The following SLC16A10 variants were observed in gnomAD, a reference collection of about 807,000 sequenced individuals.
The protein encoded by SLC16A10 is solute carrier family 16 member 10.
In SLC16A10, 27 loss-of-function variants were observed where a neutral mutation model predicts 40.0. That is an observed-to-expected ratio of 0.67 (90% CI 0.50 to 0.93). SLC16A10 has a LOEUF of 0.93. Among genes scored for constraint, SLC16A10 ranks in the 40% least tolerant of loss-of-function variants. The pLI, the probability that SLC16A10 is intolerant of heterozygous loss-of-function variation, is 0.00. For missense variants in SLC16A10, 529 were observed against 658.2 expected (o/e 0.80, Z 2.15); for synonymous variants, 213 against 249.8 (o/e 0.85, Z 1.39).
At chr6:111,090,540 G>A (rs1291921580) in intron 1 of SLC16A10, among the ~76,000 whole-genome samples, 3 of 152,130 alleles carry the variant, frequency 2.0e-5, no homozygotes, top group Non-Finnish European at 4.4e-5. Context: ...ACTTAGTGCT[G>A]AAAAAATGGT....
Position 111,222,429 on chromosome 6 carries a change from G to T in SLC16A10, c.*194G>T. Reference sequence around the variant, plus strand: ...ATATCTCTGATGTTTCCATGAGTCTGAGGGCAGAGACTCTGGTATATGAAA... The same window carrying T: ...ATATCTCTGATGTTTCCATGAGTCTTAGGGCAGAGACTCTGGTATATGAAA... On this transcript the variant is annotated 3_prime_UTR_variant, in exon 6 of 6. Transcript: ENST00000368851. 1 of 582,516 alleles carries T rather than the reference G, an allele frequency of 1.7e-6. No individual in the cohort carries two copies. Among genetic ancestry groups the T allele is most frequent in the Non-Finnish European group, 2.7e-6 (1 of 376,432 alleles). 36.1% of individuals were successfully genotyped at this position (582,516 alleles called of 1,614,324 possible).
At chr6:111,095,192 T>G (rs1489709470) in intron 1 of SLC16A10, among the ~76,000 whole-genome samples, 1 of 152,232 alleles carries the variant, frequency 6.6e-6, no homozygotes, top group Non-Finnish European at 1.5e-5. Flanking sequence ...CTAGCCAACC[T>G]GTAGGTGTTA....
chr6:111,116,517 C>CA (rs1771490274), intron 1 of SLC16A10, among the ~76,000 whole-genome samples: 1 of 151,716 alleles, frequency 6.6e-6, no homozygotes, highest in Non-Finnish European at 1.5e-5. Flanking sequence ...TGCACCTGGG[C>CA]AAAAAAAGTA....
intron 4 of SLC16A10, among the ~76,000 whole-genome samples, chr6:111,214,456 A>G (rs940382534): frequency 1.3e-5 from 2 of 152,212 alleles, no homozygotes; most frequent in African/African-American, 4.8e-5. Flanking sequence ...TGAACCTGCT[A>G]TATGTATAGT....
intron 1 of SLC16A10, among the ~76,000 whole-genome samples, chr6:111,118,901 G>A (rs1419265211): frequency 1.3e-5 from 2 of 152,100 alleles, no homozygotes; most frequent in African/African-American, 4.8e-5. Flanking sequence ...TCCTCAGGAA[G>A]ACAAAGCCAA....
intron 1 of SLC16A10, among the ~76,000 whole-genome samples, chr6:111,125,782 TA>T (rs1001388217): frequency 2.6e-5 from 4 of 152,198 alleles, no homozygotes; most frequent in Non-Finnish European, 4.4e-5. Flanking sequence ...GTAACACCCT[TA>T]ATTCTAACTT....
intron 5 of SLC16A10, among the ~76,000 whole-genome samples, chr6:111,219,366 A>T (rs1393279747): frequency 6.6e-6 from 1 of 152,028 alleles, no homozygotes; most frequent in Non-Finnish European, 1.5e-5. Context: ...TACAAAAAAT[A>T]AAAAATAAAA....
chr6:111,193,425 T>C (rs1773029150), intron 3 of SLC16A10: 1 of 570,618 alleles, frequency 1.8e-6, no homozygotes, highest in South Asian at 7.7e-5. Flanking sequence ...ATCTGACCAC[T>C]TGTTTACTCA....
At chr6:111,152,741 G>C (rs532044988) in intron 1 of SLC16A10, among the ~76,000 whole-genome samples, 1 of 152,122 alleles carries the variant, frequency 6.6e-6, no homozygotes, top group Admixed American at 6.5e-5. Context: ...TGGACCGAGG[G>C]GATAGATTTG....
intron 1 of SLC16A10, among the ~76,000 whole-genome samples, chr6:111,119,948 A>C (rs1465373413): frequency 4.6e-5 from 7 of 152,246 alleles, no homozygotes; most frequent in Non-Finnish European, 1.0e-4. Context: ...CTTTCAAACT[A>C]TTAGGTGAAG....
intron 1 of SLC16A10, among the ~76,000 whole-genome samples, chr6:111,170,899 A>T (rs1772573352): frequency 6.6e-6 from 1 of 152,166 alleles, no homozygotes; most frequent in Non-Finnish European, 1.5e-5. Flanking sequence ...GCAATTTGGG[A>T]GGCCAGGGTG....
At chr6:111,215,062 T>C (rs1174771732) in intron 4 of SLC16A10, among the ~76,000 whole-genome samples, 2 of 151,902 alleles carry the variant, frequency 1.3e-5, no homozygotes, top group African/African-American at 4.8e-5. Context: ...GATCTTGCAG[T>C]GAGTCGAGAT....
Position 111,222,093 on chromosome 6 carries a change from T to G in SLC16A10, c.1406T>G (p.Ile469Ser). 6.2e-7 allele frequency: 1 copy of G among 1,608,560 alleles called. No individual in the cohort carries two copies. Among genetic ancestry groups the G allele is most frequent in the Non-Finnish European group, 8.5e-7 (1 of 1,178,698 alleles). ...PLIGGAVLCF[I>S]PWIHSKKQRE... ...ATTGGAGGTGCTGTGCTTTGTTTTA[T>G]CCCGTGGATCCATAGTAAGAAGCAA... Residue 469 changes from isoleucine (I) to serine (S), a missense_variant, in exon 6 of 6, where the codon ATC becomes AGC. Physicochemically the swap from Ile to Ser is moderately radical, Grantham distance 142 (BLOSUM62 -2). Coordinates refer to ENST00000368851, the MANE Select transcript of SLC16A10 (RefSeq NM_018593.5).
intron 1 of SLC16A10, among the ~76,000 whole-genome samples, chr6:111,101,625 A>T (rs1562397516): frequency 6.7e-6 from 1 of 148,304 alleles, no homozygotes; most frequent in Non-Finnish European, 1.5e-5. Context: ...AATAATTATA[A>T]ATTATTATTT....
rs1056078468 is a variant in SLC16A10, at chr6:111,100,996, A to C, written c.343+12901A>C. On this transcript the variant is annotated intron_variant, in intron 1 of 5. Transcript: ENST00000368851. Reference sequence around the variant, plus strand: ...TCTCTCTCTCTCTCTCTCTCTCTATATATATATATATATATATATATAAAT... The same window carrying C: ...TCTCTCTCTCTCTCTCTCTCTCTATCTATATATATATATATATATATAAAT... Among the ~76,000 whole-genome samples, 780 of 85,464 alleles carry C rather than the reference A, an allele frequency of 9.1e-3. 4 individuals carry two copies. Among genetic ancestry groups the C allele is most frequent in the East Asian group, 0.033 (93 of 2,784 alleles). 56.1% of individuals were successfully genotyped at this position (85,464 alleles called of 152,430 possible).
intron 1 of SLC16A10, among the ~76,000 whole-genome samples, chr6:111,151,019 T>C (rs1254407871): frequency 1.3e-5 from 2 of 152,170 alleles, no homozygotes; most frequent in Admixed American, 1.3e-4. Flanking sequence ...CTTTGCTCCT[T>C]TTAGGACACT....
intron 1 of SLC16A10, among the ~76,000 whole-genome samples, chr6:111,152,209 G>A (rs938219766): frequency 1.3e-5 from 2 of 152,034 alleles, no homozygotes; most frequent in Non-Finnish European, 2.9e-5. Flanking sequence ...GGTTTTATTG[G>A]TTTCAGTTTC....
intron 1 of SLC16A10, among the ~76,000 whole-genome samples, chr6:111,108,363 T>A (rs1177342011): frequency 6.6e-6 from 1 of 152,148 alleles, no homozygotes; most frequent in Non-Finnish European, 1.5e-5. Flanking sequence ...TCTTTTTCTT[T>A]CCTAATCTTA....
In SLC16A10 at chr6:111,222,118, AAG is replaced by A. The variant is rs1473184130; in HGVS notation, c.1437_1438del (p.Glu479AspfsTer3). 1.2e-6 allele frequency: 2 copies of A among 1,609,210 alleles called. No individual in the cohort carries two copies. The highest frequency in any genetic ancestry group is 8.5e-7 in the Non-Finnish European group (1 of 1,178,872). Reference protein sequence around the residue: ...FIPWIHSKKQREISKTTGKEK... With the variant: ...FIPWIHSKKQXEISKTTGKEK... Reference sequence around the variant, plus strand: ...TCCCGTGGATCCATAGTAAGAAGCAAAGAGAGATCAGTAAAACCACTGGAAAA... The same window carrying A: ...TCCCGTGGATCCATAGTAAGAAGCAAAGAGATCAGTAAAACCACTGGAAAA... On this transcript the variant is annotated frameshift_variant, in exon 6 of 6. Coordinates refer to ENST00000368851, the MANE Select transcript of SLC16A10 (RefSeq NM_018593.5). LOFTEE classifies it high-confidence loss of function.
Sources: allele counts gnomAD v4.1 joint callset (sites outside exome capture counted in the v4.1 genomes callset), GRCh38; gene constraint gnomAD v4.1.1; transcripts MANE v1.5; gene names NCBI Gene and HGNC (gene_info 2026-07-23, HGNC 2026-07-21).